GSDMC: variants seen among roughly 807,000 people sequenced by gnomAD.
The protein encoded by GSDMC is gasdermin C.
A neutral mutation model predicts 58.0 loss-of-function variants in GSDMC; 59 were observed. The observed-to-expected ratio is 1.02, with a 90% CI of 0.82 to 1.26. The LOEUF (loss-of-function observed/expected upper bound fraction) is 1.26, where lower values mean the gene tolerates loss of function less well. GSDMC is among the 50% of genes most tolerant of loss of function. The probability of loss-of-function intolerance (pLI) is 0.00; values close to 1 mark genes in which losing one functional copy is unlikely to be tolerated. For synonymous variants in GSDMC, 241 were observed against 220.2 expected, an observed-to-expected ratio of 1.09 and a Z score of -0.83; for missense variants, 659 against 598.5, an observed-to-expected ratio of 1.10 and a Z score of -1.06.
intron 3 of GSDMC, among the ~76,000 whole-genome samples, chr8:129,775,431 T>C (rs1162991511): frequency 6.6e-6 from 1 of 152,126 alleles, no homozygotes; most frequent in Non-Finnish European, 1.5e-5. Context: ...GGCACATTGG[T>C]CAAAGGCAAC....
intron 3 of GSDMC, among the ~76,000 whole-genome samples, chr8:129,766,177 A>G (rs531539167): frequency 5.9e-5 from 9 of 152,324 alleles, no homozygotes; most frequent in Admixed American, 1.3e-4. Context: ...AAAGCTGGGT[A>G]TTCACACCGA....
chr8:129,712,399 C>A, the GSDMC span, among the ~76,000 whole-genome samples: 1 of 152,184 alleles, frequency 6.6e-6, no homozygotes, highest in Non-Finnish European at 1.5e-5. Flanking sequence ...AGAAAAGCAT[C>A]TAACTCAGCA....
the GSDMC span, among the ~76,000 whole-genome samples, chr8:129,717,135 A>G: frequency 6.6e-6 from 1 of 152,142 alleles, no homozygotes; most frequent in South Asian, 2.1e-4. Context: ...GCCTCATAAA[A>G]TGAGTTAAGG....
At chr8:129,731,780 T>A in the GSDMC span, among the ~76,000 whole-genome samples, 1 of 152,200 alleles carries the variant, frequency 6.6e-6, no homozygotes, top group Non-Finnish European at 1.5e-5. Context: ...AAGTTTGACC[T>A]TATAACTGGA....
intron 1 of GSDMC, 110 bp from the exon 2 acceptor site, chr8:129,777,701 A>C: frequency 1.5e-6 from 1 of 677,396 alleles, no homozygotes; most frequent in South Asian, 1.7e-5. Flanking sequence ...TGAGATTAGC[A>C]GGTCTTTACT....
the GSDMC span, chr8:129,730,374 G>T: frequency 8.0e-7 from 1 of 1,254,366 alleles, no homozygotes; most frequent in South Asian, 1.3e-5. Flanking sequence ...TCTACTGGAT[G>T]AACTTGTACA....
chr8:129,769,835 T>G (rs1235437188), intron 3 of GSDMC, among the ~76,000 whole-genome samples: 1 of 152,138 alleles, frequency 6.6e-6, no homozygotes, highest in Non-Finnish European at 1.5e-5. Flanking sequence ...AGATAAAGAC[T>G]TTCCCAAACA....
the GSDMC span, among the ~76,000 whole-genome samples, chr8:129,707,706 CT>C: frequency 6.6e-6 from 1 of 152,206 alleles, no homozygotes; most frequent in Non-Finnish European, 1.5e-5. Flanking sequence ...TCTACCAATG[CT>C]TTCTACCTTT....
chr8:129,711,656 G>A, the GSDMC span, among the ~76,000 whole-genome samples: 1 of 152,210 alleles, frequency 6.6e-6, no homozygotes, highest in East Asian at 1.9e-4. Flanking sequence ...CAAAAGGAGA[G>A]ACCAAAGGGT....
At chr8:129,784,142 C>G (rs1418044403) in intron 1 of GSDMC, among the ~76,000 whole-genome samples, 1 of 152,130 alleles carries the variant, frequency 6.6e-6, no homozygotes, top group African/African-American at 2.4e-5. Context: ...GAAACTACTA[C>G]AGGAAAACAC....
chr8:129,715,429 C>T, the GSDMC span, among the ~76,000 whole-genome samples: 2 of 150,906 alleles, frequency 1.3e-5, no homozygotes, highest in Non-Finnish European at 3.0e-5. Context: ...TGATAGGAGA[C>T]AGAAAAAAAA....
At chr8:129,732,803 A>G in the GSDMC span, among the ~76,000 whole-genome samples, 23 of 152,086 alleles carry the variant, frequency 1.5e-4, no homozygotes, top group African/African-American at 5.6e-4. Context: ...TCTCAATAGG[A>G]CTGGTTGGAC....
the GSDMC span, chr8:129,730,523 T>C: frequency 6.3e-6 from 3 of 479,100 alleles, no homozygotes; most frequent in African/African-American, 2.0e-5. Flanking sequence ...AAAATACCAT[T>C]ATTCTCTTAA....
chr8:129,781,677 G>T (rs961541662), intron 1 of GSDMC, among the ~76,000 whole-genome samples: 1 of 151,936 alleles, frequency 6.6e-6, no homozygotes, highest in Admixed American at 6.6e-5. Context: ...CCCAGGAGGT[G>T]GAGCTTGCAG....
chr8:129,733,785 TGAG>T, the GSDMC span, among the ~76,000 whole-genome samples: 49,297 of 151,920 alleles, frequency 0.32, 11,576 homozygotes, highest in African/African-American at 0.65. Context: ...CGACAGCTGG[TGAG>T]GACCAGCAAT....
the GSDMC span, among the ~76,000 whole-genome samples, chr8:129,713,930 G>C: frequency 6.6e-6 from 1 of 152,138 alleles, no homozygotes; most frequent in African/African-American, 2.4e-5. Context: ...GCCTCGGGTG[G>C]AAAAAGGTCG....
chr8:129,776,928 A>T (rs76986156), intron 2 of GSDMC, among the ~76,000 whole-genome samples: 232 of 147,062 alleles, frequency 1.6e-3, no homozygotes, highest in Admixed American at 5.8e-3. Context: ...TGCCTGGATA[A>T]TTTTTTTTTT....
In GSDMC at chr8:129,777,593, T is replaced by C. The variant is rs200453679; in HGVS notation, c.-4-2A>G. 6.8e-4 allele frequency: 1,028 copies of C among 1,517,546 alleles called. 7 individuals are homozygous for C. In the Middle Eastern group the frequency reaches 7.5e-3, roughly 11 times the overall value. The allele number at this position is 1,517,546 out of a possible 1,614,324, so 94.0% of individuals were successfully genotyped here. A position where few individuals can be genotyped will look rare whatever the true frequency, so the allele number is the denominator to read the frequency against. ...CGTTCCAACATGGAGGGCATGTTGC[T>C]AGGAGGAGATGAAAGGAGAGCATCA... On this transcript the variant is annotated splice_acceptor_variant, in intron 1 of 13. Coordinates refer to ENST00000276708, the MANE Select transcript of GSDMC (RefSeq NM_031415.3). LOFTEE classifies it low-confidence loss of function (5UTR_SPLICE).
chr8:129,757,897 G>A (rs1029043889), intron 6 of GSDMC, among the ~76,000 whole-genome samples: 3 of 152,056 alleles, frequency 2.0e-5, no homozygotes, highest in Non-Finnish European at 4.4e-5. Context: ...GGGCTGAGGT[G>A]GGAGGATCAT....
Sources: gnomAD v4.1 joint callset for allele counts (sites outside exome capture counted in the v4.1 genomes callset) on GRCh38, gnomAD v4.1.1 for gene constraint, MANE v1.5 for transcripts, NCBI Gene and HGNC (gene_info 2026-07-23, HGNC 2026-07-21) for gene names.